The following SAMD5 variants were observed in gnomAD, a reference collection of about 807,000 sequenced individuals.
SAMD5 encodes the protein sterile alpha motif domain containing 5.
Under a neutral mutation model 11.3 loss-of-function variants are expected in SAMD5, and 13 were observed. The observed-to-expected ratio is 1.15, with a 90% confidence interval of 0.75 to 1.83. The LOEUF is 1.83. SAMD5 is among the 40% of genes most tolerant of loss of function. The pLI, the probability that SAMD5 is intolerant of heterozygous loss-of-function variation, is 0.00. For missense variants in SAMD5, 255 were observed against 239.1 expected (o/e 1.07, Z -0.44); for synonymous variants, 129 against 111.3 (o/e 1.16, Z -1.00).
At chr6:147,823,615 TTAAAG>T in the SAMD5 span, among the ~76,000 whole-genome samples, 6 of 152,054 alleles carry the variant, frequency 3.9e-5, no homozygotes, top group African/African-American at 9.7e-5. Context: ...ATCCTGGAAC[TTAAAG>T]TAAAATAAAA....
the SAMD5 span, among the ~76,000 whole-genome samples, chr6:147,939,119 C>A: frequency 1.3e-5 from 2 of 152,154 alleles, no homozygotes; most frequent in Non-Finnish European, 2.9e-5. Context: ...ACCAGTTTAT[C>A]ATAAAGGATA....
the SAMD5 span, among the ~76,000 whole-genome samples, chr6:147,748,311 A>C: frequency 2.6e-5 from 4 of 152,282 alleles, no homozygotes; most frequent in African/African-American, 9.6e-5. Flanking sequence ...GGTCATTTGG[A>C]TTAGAATCAG....
chr6:147,514,292 G>A (rs777833966), intron 1 of SAMD5, among the ~76,000 whole-genome samples: 4 of 152,004 alleles, frequency 2.6e-5, no homozygotes, highest in Non-Finnish European at 4.4e-5. Flanking sequence ...CTTTAGAGGT[G>A]TTACACCAAA....
the SAMD5 span, among the ~76,000 whole-genome samples, chr6:147,831,029 C>T: frequency 8.5e-5 from 13 of 152,148 alleles, no homozygotes; most frequent in Non-Finnish European, 7.4e-5. Flanking sequence ...CCCTGGCACA[C>T]GTAAGAGGAA....
chr6:147,562,245 G>T (rs927980491), intron 1 of SAMD5, among the ~76,000 whole-genome samples: 1 of 152,180 alleles, frequency 6.6e-6, no homozygotes, highest in African/African-American at 2.4e-5. Flanking sequence ...TTTGAAGGAA[G>T]GCAGCATCAT....
the SAMD5 span, among the ~76,000 whole-genome samples, chr6:147,785,301 C>T: frequency 6.6e-6 from 1 of 152,206 alleles, no homozygotes; most frequent in Non-Finnish European, 1.5e-5. Flanking sequence ...TAGAACTCCT[C>T]CTCATTGTCA....
intron 1 of SAMD5, among the ~76,000 whole-genome samples, chr6:147,687,786 C>T (rs971668972): frequency 6.6e-6 from 1 of 152,202 alleles, no homozygotes; most frequent in African/African-American, 2.4e-5. Context: ...ACCTGGCTTG[C>T]ATAGTTTCTG....
intron 1 of SAMD5, among the ~76,000 whole-genome samples, chr6:147,661,937 AC>A: frequency 6.6e-6 from 1 of 152,122 alleles, no homozygotes; most frequent in East Asian, 1.9e-4. Flanking sequence ...CGCGACTAAA[AC>A]CGTTCTTTTA....
downstream of SAMD5, among the ~76,000 whole-genome samples, chr6:147,570,870 C>T (rs1009751830): frequency 6.6e-6 from 1 of 152,036 alleles, no homozygotes; most frequent in Non-Finnish European, 1.5e-5. Context: ...TGTGGCATGC[C>T]CATGATAACA....
chr6:147,826,072 G>T, the SAMD5 span, among the ~76,000 whole-genome samples: 1 of 152,278 alleles, frequency 6.6e-6, no homozygotes, highest in South Asian at 2.1e-4. Context: ...CCTGCCTTAT[G>T]GTAGAGGTTT....
At chr6:147,947,857 A>G in the SAMD5 span, among the ~76,000 whole-genome samples, 2 of 151,882 alleles carry the variant, frequency 1.3e-5, no homozygotes, top group East Asian at 3.9e-4. Flanking sequence ...AATGCCCTCC[A>G]TTCAGATTTT....
intron 1 of SAMD5, among the ~76,000 whole-genome samples, chr6:147,553,066 G>A (rs1788799713): frequency 1.3e-5 from 2 of 152,132 alleles, no homozygotes; most frequent in South Asian, 4.1e-4. Flanking sequence ...TATAGAACAG[G>A]TACTGGAAAA....
the SAMD5 span, among the ~76,000 whole-genome samples, chr6:147,780,856 C>A: frequency 6.6e-6 from 1 of 152,044 alleles, no homozygotes; most frequent in Non-Finnish European, 1.5e-5. Flanking sequence ...CCTTGCTGAG[C>A]CTGACATGCT....
At chr6:147,896,738 C>CAAAAAAAAA in the SAMD5 span, among the ~76,000 whole-genome samples, 4 of 55,328 alleles carry the variant, frequency 7.2e-5, no homozygotes, top group Admixed American at 1.8e-4. Flanking sequence ...GAACATTAAC[C>CAAAAAAAAA]AAAAAAAAAA....
the SAMD5 span, among the ~76,000 whole-genome samples, chr6:147,865,675 A>G: frequency 6.6e-6 from 1 of 152,198 alleles, no homozygotes; most frequent in Non-Finnish European, 1.5e-5. Context: ...TTGGGGAGCC[A>G]TGGATGCCAA....
At chr6:147,654,259 G>T (rs1319223109) in intron 1 of SAMD5, among the ~76,000 whole-genome samples, 1 of 152,100 alleles carries the variant, frequency 6.6e-6, no homozygotes, top group Non-Finnish European at 1.5e-5. Context: ...AAAATTCTTA[G>T]AATTTTCTTT....
intron 1 of SAMD5, among the ~76,000 whole-genome samples, chr6:147,642,223 T>C (rs754331684): frequency 2.0e-5 from 3 of 152,244 alleles, no homozygotes; most frequent in Non-Finnish European, 4.4e-5. Flanking sequence ...CCATTTCCTC[T>C]TTCTTACTTT....
intron 1 of SAMD5, among the ~76,000 whole-genome samples, chr6:147,534,617 T>C (rs572624455): frequency 6.6e-6 from 1 of 152,252 alleles, no homozygotes; most frequent in South Asian, 2.1e-4. Flanking sequence ...GAGTTAGGGT[T>C]AAAATCATAG....
At chr6:147,875,126 C>A in the SAMD5 span, among the ~76,000 whole-genome samples, 1 of 152,116 alleles carries the variant, frequency 6.6e-6, no homozygotes, top group Non-Finnish European at 1.5e-5. Context: ...CTTTAAAATT[C>A]TCTCATGATT....
Sources: gnomAD v4.1 joint callset for allele counts (sites outside exome capture counted in the v4.1 genomes callset) on GRCh38, gnomAD v4.1.1 for gene constraint, MANE v1.5 for transcripts, NCBI Gene and HGNC (gene_info 2026-07-23, HGNC 2026-07-21) for gene names.